Variants in SAMD5 observed in about 807,000 individuals in gnomAD.
SAMD5 encodes sterile alpha motif domain-containing protein 5.
In SAMD5, 13 loss-of-function variants were observed where a neutral mutation model predicts 11.3. The ratio of observed to expected loss-of-function variants is 1.15; its 90% CI spans 0.75 to 1.83. The LOEUF is 1.83. SAMD5 is among the 40% of genes most tolerant of loss of function. The pLI is 0.00. For missense variants in SAMD5, 255 were observed against 239.1 expected (o/e 1.07, Z -0.44); for synonymous variants, 129 against 111.3 (o/e 1.16, Z -1.00).
At chr6:147,730,144 A>T in intron 1 of SAMD5, 1 of 422,710 alleles carries the variant, frequency 2.4e-6, no homozygotes, top group Non-Finnish European at 4.6e-6. Flanking sequence ...AGTGAAAGAG[A>T]GGGAGAGAAA....
the SAMD5 span, among the ~76,000 whole-genome samples, chr6:147,763,902 A>G: frequency 6.6e-6 from 1 of 152,220 alleles, no homozygotes; most frequent in African/African-American, 2.4e-5. Context: ...ATATTAAAAT[A>G]TTGTTTATCT....
chr6:147,919,866 A>C, the SAMD5 span, among the ~76,000 whole-genome samples: 5 of 152,254 alleles, frequency 3.3e-5, no homozygotes, highest in African/African-American at 1.2e-4. Context: ...ACGTGACCTC[A>C]TAAGGACTCA....
At chr6:147,786,797 G>A in the SAMD5 span, among the ~76,000 whole-genome samples, 2 of 152,162 alleles carry the variant, frequency 1.3e-5, no homozygotes, top group Admixed American at 1.3e-4. Flanking sequence ...AAAGCAAGAG[G>A]TGTGGGTGAG....
intron 1 of SAMD5, among the ~76,000 whole-genome samples, chr6:147,732,693 G>A (rs1791736215): frequency 2.0e-5 from 3 of 152,140 alleles, no homozygotes; most frequent in Non-Finnish European, 4.4e-5. Flanking sequence ...ATTTGTTCAA[G>A]GGTATTTGTT....
intron 1 of SAMD5, among the ~76,000 whole-genome samples, chr6:147,532,202 G>A (rs1788440779): frequency 6.6e-6 from 1 of 152,072 alleles, no homozygotes; most frequent in African/African-American, 2.4e-5. Context: ...ATTCTTAAGT[G>A]GTGATTTCTG....
chr6:147,692,821 T>G (rs1370281404), intron 1 of SAMD5, among the ~76,000 whole-genome samples: 1 of 152,192 alleles, frequency 6.6e-6, no homozygotes, highest in African/African-American at 2.4e-5. Flanking sequence ...AGATTGCAGG[T>G]TAGGTTCACA....
intron 1 of SAMD5, among the ~76,000 whole-genome samples, chr6:147,703,167 A>G (rs1791279298): frequency 6.6e-6 from 1 of 152,110 alleles, no homozygotes; most frequent in South Asian, 2.1e-4. Context: ...TCCCAGGTTC[A>G]AGTGATTCTC....
the SAMD5 span, among the ~76,000 whole-genome samples, chr6:147,774,570 C>G: frequency 6.6e-6 from 1 of 151,876 alleles, no homozygotes; most frequent in African/African-American, 2.4e-5. Context: ...CTGTATTGGT[C>G]TTTTCTCCTT....
chr6:147,713,918 A>G (rs1164666446), intron 1 of SAMD5, among the ~76,000 whole-genome samples: 1 of 151,442 alleles, frequency 6.6e-6, no homozygotes, highest in Non-Finnish European at 1.5e-5. Context: ...CTCCCTTCCT[A>G]TAAATTATGA....
chr6:147,862,987 A>G, the SAMD5 span, among the ~76,000 whole-genome samples: 2 of 152,166 alleles, frequency 1.3e-5, no homozygotes, highest in African/African-American at 4.8e-5. Context: ...AGCACAATAA[A>G]TGTAGGCTGG....
intron 1 of SAMD5, among the ~76,000 whole-genome samples, chr6:147,654,201 T>A (rs1186320855): frequency 1.3e-5 from 2 of 152,180 alleles, no homozygotes; most frequent in South Asian, 2.1e-4. Context: ...AAAGGAACAA[T>A]GTTTATTTTT....
At chr6:147,621,002 A>G (rs984288549) in intron 1 of SAMD5, among the ~76,000 whole-genome samples, 68 of 146,614 alleles carry the variant, frequency 4.6e-4, no homozygotes, top group African/African-American at 1.7e-3. Context: ...GCGCGCGCAC[A>G]TGCGCGCGCA....
intron 1 of SAMD5, among the ~76,000 whole-genome samples, chr6:147,615,927 T>C (rs1307529595): frequency 6.6e-6 from 1 of 152,122 alleles, no homozygotes; most frequent in Non-Finnish European, 1.5e-5. Context: ...TTGGCTTTTA[T>C]GTTGATAAAA....
At chr6:147,909,614 T>TCTCTCTCTCTC in the SAMD5 span, among the ~76,000 whole-genome samples, 2 of 77,272 alleles carry the variant, frequency 2.6e-5, no homozygotes, top group African/African-American at 8.1e-5. Flanking sequence ...CTTTCTTTCT[T>TCTCTCTCTCTC]TCTTTCTTTC....
chr6:147,767,214 T>C, the SAMD5 span, among the ~76,000 whole-genome samples: 5 of 152,184 alleles, frequency 3.3e-5, no homozygotes, highest in African/African-American at 1.2e-4. Flanking sequence ...AAACACTCTG[T>C]GCAGAAAGTT....
At chr6:147,714,252 G>A (rs1036443926) in intron 1 of SAMD5, among the ~76,000 whole-genome samples, 1 of 152,162 alleles carries the variant, frequency 6.6e-6, no homozygotes, top group African/African-American at 2.4e-5. Flanking sequence ...GATGTGAACT[G>A]CCTGGCTGGC....
intron 1 of SAMD5, among the ~76,000 whole-genome samples, chr6:147,704,448 A>G (rs1791298164): frequency 6.6e-6 from 1 of 152,250 alleles, no homozygotes; most frequent in Non-Finnish European, 1.5e-5. Flanking sequence ...CATGTCAAAT[A>G]GAAACTGATG....
At chr6:147,916,205 A>G in the SAMD5 span, among the ~76,000 whole-genome samples, 1 of 152,136 alleles carries the variant, frequency 6.6e-6, no homozygotes, top group Non-Finnish European at 1.5e-5. Flanking sequence ...TAGTGCCGCA[A>G]TAAACATACA....
At chr6:147,792,066 T>C in the SAMD5 span, among the ~76,000 whole-genome samples, 1 of 152,086 alleles carries the variant, frequency 6.6e-6, no homozygotes, top group East Asian at 1.9e-4. Flanking sequence ...CTATAGCAAA[T>C]TAAAAATTCT....
Sources: allele counts gnomAD v4.1 joint callset (sites outside exome capture counted in the v4.1 genomes callset), GRCh38; gene constraint gnomAD v4.1.1; transcripts MANE v1.5; gene names NCBI Gene and HGNC (gene_info 2026-07-23, HGNC 2026-07-21).